ZNF664: variants seen among roughly 807,000 people sequenced by gnomAD.
ZNF664 encodes the protein zinc finger protein 664.
In ZNF664, 10 loss-of-function variants were observed where a neutral mutation model predicts 18.2. That is an observed-to-expected ratio of 0.55 (90% CI 0.34 to 0.93). The LOEUF (loss-of-function observed/expected upper bound fraction) is 0.93. Ranked by LOEUF, ZNF664 falls within the 40% of genes least tolerant of loss-of-function variation. The pLI is 0.02. For synonymous variants in ZNF664, 119 were observed against 104.2 expected, an observed-to-expected ratio of 1.14 and a Z score of -0.86; for missense variants, 193 against 319.0, an observed-to-expected ratio of 0.61 and a Z score of 3.01.
intron 2 of ZNF664, among the ~76,000 whole-genome samples, chr12:123,977,842 G>C (rs944647815): frequency 6.6e-6 from 1 of 152,158 alleles, no homozygotes; most frequent in Admixed American, 6.5e-5. Context: ...ATATGGAAAT[G>C]TCATAAATAA....
chr12:124,008,435 A>G (rs1173060856), intron 3 of ZNF664, among the ~76,000 whole-genome samples: 1 of 152,196 alleles, frequency 6.6e-6, no homozygotes, highest in Non-Finnish European at 1.5e-5. Flanking sequence ...TGGTCCTGGC[A>G]GTGTCAAGTC....
intron 3 of ZNF664, among the ~76,000 whole-genome samples, chr12:124,009,139 A>G (rs1957106740): frequency 6.6e-6 from 1 of 152,348 alleles, no homozygotes; most frequent in African/African-American, 2.4e-5. Flanking sequence ...AACAACTTTA[A>G]CATAAACTAC....
chr12:123,991,127 C>T (rs1037114801), intron 3 of ZNF664, among the ~76,000 whole-genome samples: 4 of 152,116 alleles, frequency 2.6e-5, no homozygotes, highest in Non-Finnish European at 4.4e-5. Context: ...ATTCTTAGTG[C>T]ATGTGTATGT....
chr12:123,991,512 G>A (rs1040353910), intron 3 of ZNF664, among the ~76,000 whole-genome samples: 3 of 152,180 alleles, frequency 2.0e-5, no homozygotes, highest in African/African-American at 4.8e-5. Context: ...ATGAATGAAT[G>A]TGTCATGCAC....
Position 123,987,861 on chromosome 12 carries a change from C to T in ZNF664, c.-756-182C>T. 5 of 683,984 alleles carry T rather than the reference C, an allele frequency of 7.3e-6. 1 individual carries two copies. The highest frequency in any genetic ancestry group is 9.0e-6 in the Non-Finnish European group (5 of 554,902). 42.4% of individuals were successfully genotyped at this position (683,984 alleles called of 1,614,324 possible). On this transcript the variant is annotated intron_variant, in intron 2 of 4. Coordinates refer to ENST00000337815, the MANE Select transcript of ZNF664 (RefSeq NM_152437.3). ...TCTGTGGTTTCTCAGATTTGCTCAT[C>T]CCTTCTTTGGACCTCCATGCCTTGA...
At chr12:123,975,358 T>C (rs1015661007) in intron 2 of ZNF664, among the ~76,000 whole-genome samples, 2 of 151,958 alleles carry the variant, frequency 1.3e-5, no homozygotes, top group African/African-American at 4.8e-5. Flanking sequence ...GACAATACAT[T>C]AGTCTTCTTA....
chr12:124,001,519 G>A (rs768083917), intron 3 of ZNF664, among the ~76,000 whole-genome samples: 7 of 152,038 alleles, frequency 4.6e-5, no homozygotes, highest in Non-Finnish European at 8.8e-5. Context: ...GGTCCTCCAC[G>A]CATGCCTTTC....
At chr12:123,991,988 A>C (rs1417574835) in intron 3 of ZNF664, among the ~76,000 whole-genome samples, 2 of 152,214 alleles carry the variant, frequency 1.3e-5, no homozygotes, top group Non-Finnish European at 2.9e-5. Context: ...CTCCATTAGG[A>C]GTCATTAGGC....
Position 124,014,220 on chromosome 12 carries a change from C to G in ZNF664, c.*1290C>G, listed in dbSNP as rs1337649490. The G allele has an allele frequency of 2.4e-5, 4 of 166,994 alleles. No individual in the cohort carries two copies. Among genetic ancestry groups the G allele is most frequent in the African/African-American group, 4.8e-5 (2 of 41,384 alleles). 10.3% of individuals were successfully genotyped at this position (166,994 alleles called of 1,614,324 possible). On this transcript the variant is annotated 3_prime_UTR_variant, in exon 5 of 5. Coordinates refer to ENST00000337815, the MANE Select transcript of ZNF664 (RefSeq NM_152437.3). ...TGACATTAGCTAGTGGTCAGGGAGG[C>G]CTTTCCGCGGTGGGATGTTGAGCTG...
In ZNF664 at chr12:124,011,292, T is replaced by G. The variant is rs1043958566; in HGVS notation, c.-660-89T>G. The G allele has an allele frequency of 8.2e-6, 8 of 969,998 alleles. No homozygotes were observed. The African/African-American group carries it at 1.5e-4, about 18-fold the overall frequency. The allele number at this position is 969,998 out of a possible 1,614,324, so 60.1% of individuals were successfully genotyped here. On this transcript the variant is annotated intron_variant, in intron 3 of 4. Transcript: ENST00000337815. ...CTTTCAATAATGTTCCCCTTGATGT[T>G]GCTCAGATAATTACAATGAGTTATT...
intron 2 of ZNF664, among the ~76,000 whole-genome samples, chr12:123,977,542 A>G (rs528027491): frequency 3.3e-5 from 5 of 151,894 alleles, no homozygotes; most frequent in African/African-American, 1.2e-4. Context: ...TGTAGGCACA[A>G]CCTTATAGAG....
Position 123,973,278 on chromosome 12 carries a change from T to G in ZNF664, c.-966T>G. On this transcript the variant is annotated 5_prime_UTR_variant, in exon 1 of 5. Transcript: ENST00000337815. ...CGCGCGCGCGGCTCGGAGGCGCACCTGTGAGGTGTCCCTGAGGAGAGGGAG... is the reference window on the plus strand; with the variant it reads ...CGCGCGCGCGGCTCGGAGGCGCACCGGTGAGGTGTCCCTGAGGAGAGGGAG... 1 of 1,005,598 alleles carries G rather than the reference T, an allele frequency of 9.9e-7. No individual in the cohort carries two copies. Among genetic ancestry groups the G allele is most frequent in the South Asian group, 4.7e-5 (1 of 21,454 alleles). The allele number at this position is 1,005,598 out of a possible 1,614,324, so 62.3% of individuals were successfully genotyped here.
intron 3 of ZNF664, chr12:123,997,751 T>C (rs1956966811): frequency 6.6e-6 from 1 of 152,234 alleles, no homozygotes; most frequent in East Asian, 1.9e-4. Flanking sequence ...GAGACACTAT[T>C]CAACCCAGTA....
At chr12:124,004,124 G>A (rs1957043738) in intron 3 of ZNF664, among the ~76,000 whole-genome samples, 1 of 152,226 alleles carries the variant, frequency 6.6e-6, no homozygotes, top group African/African-American at 2.4e-5. Context: ...GGAGCACCCG[G>A]TGTCCAAGAA....
At chr12:124,004,477 T>G (rs149597017) in intron 3 of ZNF664, among the ~76,000 whole-genome samples, 109 of 152,368 alleles carry the variant, frequency 7.2e-4, no homozygotes, top group Middle Eastern at 3.4e-3. Flanking sequence ...TAGGTTGGTG[T>G]TGTCAGTGGA....
Position 123,981,497 on chromosome 12 carries a change from C to G in ZNF664, c.-756-6546C>G, listed in dbSNP as rs529355042. On this transcript the variant is annotated intron_variant, in intron 2 of 4. Transcript: ENST00000337815. The stretch of plus-strand genomic sequence containing the variant: ...CAGCCCCCTCTCATCGTGTGATGCC[C>G]TGTGCCGGCTCAGGGCTCTTTGGAG... Among the ~76,000 whole-genome samples the G allele has an allele frequency of 9.2e-5, 14 of 152,296 alleles. No individual in the cohort carries two copies. In the South Asian group the frequency reaches 2.9e-3, roughly 32 times the overall value.
chr12:123,974,171 C>A, intron 2 of ZNF664, 151 bp downstream of exon 2: 1 of 483,444 alleles, frequency 2.1e-6, no homozygotes, highest in Non-Finnish European at 3.3e-6. Flanking sequence ...CCGTCCGGAT[C>A]CATCTCTCCG....
intron 2 of ZNF664, among the ~76,000 whole-genome samples, chr12:123,978,251 C>T (rs549303783): frequency 6.6e-6 from 1 of 151,706 alleles, no homozygotes; most frequent in African/African-American, 2.4e-5. Context: ...ATGCAAAGAA[C>T]TCATCCAAAT....
intron 3 of ZNF664, 27 bp from the exon 4 acceptor site, chr12:124,011,354 A>G (rs1957134393): frequency 4.9e-6 from 4 of 815,612 alleles, no homozygotes; most frequent in Non-Finnish European, 5.9e-6. Flanking sequence ...AAACAGGAGC[A>G]TGATATCTAC....
Sources: allele counts gnomAD v4.1 joint callset (sites outside exome capture counted in the v4.1 genomes callset), GRCh38; gene constraint gnomAD v4.1.1; transcripts MANE v1.5; gene names NCBI Gene and HGNC (gene_info 2026-07-23, HGNC 2026-07-21).